Variants in ARID4A observed in about 807,000 individuals in gnomAD.
The protein encoded by ARID4A is AT-rich interaction domain 4A.
In ARID4A, 39 loss-of-function variants were observed where a neutral mutation model predicts 148.6. The observed-to-expected ratio is 0.26, with a 90% CI of 0.20 to 0.34. The LOEUF (loss-of-function observed/expected upper bound fraction) is 0.34, where lower values mean the gene tolerates loss of function less well. Ranked by LOEUF, ARID4A falls within the 10% of genes least tolerant of loss-of-function variation. The pLI is 1.00. For missense variants in ARID4A, 1,265 were observed against 1,449.1 expected (o/e 0.87, Z 2.06); for synonymous variants, 475 against 481.2 (o/e 0.99, Z 0.17).
At chr14:58,348,411 T>A (rs1244579613) in intron 15 of ARID4A, among the ~76,000 whole-genome samples, 1 of 152,226 alleles carries the variant, frequency 6.6e-6, no homozygotes, top group Non-Finnish European at 1.5e-5. Context: ...AGATGTTGAA[T>A]AAATGAATCA....
chr14:58,347,130 G>GTTTAT lies in ARID4A; in HGVS notation c.1172+15_1172+19dup. The GTTTAT allele has an allele frequency of 7.5e-7, 1 of 1,331,822 alleles. No homozygotes were observed. Among genetic ancestry groups the GTTTAT allele is most frequent in the Non-Finnish European group, 1.0e-6 (1 of 962,352 alleles). The allele number at this position is 1,331,822 out of a possible 1,614,324, so 82.5% of individuals were successfully genotyped here. A position where few individuals can be genotyped will look rare whatever the true frequency, so the allele number is the denominator to read the frequency against. On this transcript the variant is annotated intron_variant, in intron 14 of 23. Transcript: ENST00000355431. Reference sequence around the variant, plus strand: ...CTGCTTATAGAAAGTAAGTAGTATAGTTTATTCATCAAAGAATATATATTT... The same window carrying GTTTAT: ...CTGCTTATAGAAAGTAAGTAGTATAGTTTATTTTATTCATCAAAGAATATATATTT...
chr14:58,360,065 CAAAA>C (rs11376633), intron 18 of ARID4A, among the ~76,000 whole-genome samples: 1 of 118,676 alleles, frequency 8.4e-6, no homozygotes. Context: ...GACTCCGTCT[CAAAA>C]AAAAAAAAAA....
chr14:58,302,778 A>G (rs1398881281), intron 3 of ARID4A, among the ~76,000 whole-genome samples: 1 of 151,858 alleles, frequency 6.6e-6, no homozygotes, highest in Non-Finnish European at 1.5e-5. Flanking sequence ...ACATAGTGAG[A>G]TCTTGTCTGT....
At chr14:58,306,899 G>A (rs2031648350) in intron 5 of ARID4A, among the ~76,000 whole-genome samples, 1 of 152,142 alleles carries the variant, frequency 6.6e-6, no homozygotes, top group Non-Finnish European at 1.5e-5. Flanking sequence ...CAGCTTTTAA[G>A]AAAAATATAG....
chr14:58,369,702 A>G (rs1391559997), intron 23 of ARID4A, among the ~76,000 whole-genome samples: 2 of 152,086 alleles, frequency 1.3e-5, no homozygotes, highest in Non-Finnish European at 2.9e-5. Flanking sequence ...CAGCATCAAG[A>G]GTCTTACATC....
rs1220546707 is a variant in ARID4A at position 58,322,980 on chromosome 14, AATAT to A, written c.450-484_450-481del. The stretch of plus-strand genomic sequence containing the variant: ...TCCATTTCCAAAAAAAAAAAAAAAA[AATAT>A]ATATATATATATATATATATGCTTA... On this transcript the variant is annotated intron_variant, in intron 7 of 23. Transcript: ENST00000355431. Among the ~76,000 whole-genome samples the A allele has an allele frequency of 2.1e-4, 24 of 114,282 alleles. 1 individual carries two copies. Among genetic ancestry groups the A allele is most frequent in the South Asian group, 5.6e-4 (2 of 3,552 alleles). 75.0% of individuals were successfully genotyped at this position (114,282 alleles called of 152,430 possible).
chr14:58,354,265 A>T (rs2034769705), intron 17 of ARID4A, among the ~76,000 whole-genome samples: 1 of 152,234 alleles, frequency 6.6e-6, no homozygotes, highest in African/African-American at 2.4e-5. Flanking sequence ...CCAACCGTGC[A>T]AGTGTTTGTT....
intron 23 of ARID4A, among the ~76,000 whole-genome samples, chr14:58,368,389 T>G (rs944744166): frequency 2.0e-5 from 3 of 152,186 alleles, no homozygotes; most frequent in Non-Finnish European, 4.4e-5. Context: ...TCAAGATCCT[T>G]GCCAATCACT....
At chr14:58,335,750 A>G (rs2033781646) in intron 11 of ARID4A, among the ~76,000 whole-genome samples, 1 of 152,210 alleles carries the variant, frequency 6.6e-6, no homozygotes, top group South Asian at 2.1e-4. Context: ...CAGCTGTCCA[A>G]GCCAGATACA....
chr14:58,341,587 A>C (rs1383357021), intron 11 of ARID4A, among the ~76,000 whole-genome samples: 1 of 152,236 alleles, frequency 6.6e-6, no homozygotes, highest in Non-Finnish European at 1.5e-5. Context: ...AGCAGCAAAA[A>C]TAGAAGGTAC....
chr14:58,342,004 A>T (rs937390374), intron 11 of ARID4A, among the ~76,000 whole-genome samples: 3 of 152,228 alleles, frequency 2.0e-5, no homozygotes, highest in African/African-American at 7.2e-5. Flanking sequence ...AGAAATTGCT[A>T]TGAAAATGCC....
At chr14:58,358,432 A>T (rs1428128574) in intron 17 of ARID4A, among the ~76,000 whole-genome samples, 1 of 152,206 alleles carries the variant, frequency 6.6e-6, no homozygotes, top group Non-Finnish European at 1.5e-5. Context: ...GCACCACTGC[A>T]TGTCAGCCTG....
At chr14:58,315,338 A>T (rs1259550918) in intron 5 of ARID4A, among the ~76,000 whole-genome samples, 1 of 152,130 alleles carries the variant, frequency 6.6e-6, no homozygotes, top group African/African-American at 2.4e-5. Flanking sequence ...GAAATTTTTG[A>T]ATTGTTGAAA....
At chr14:58,319,509 T>G (rs2032706341) in intron 7 of ARID4A, among the ~76,000 whole-genome samples, 1 of 147,872 alleles carries the variant, frequency 6.8e-6, no homozygotes. Flanking sequence ...TGTGTATGAA[T>G]GTCTATATAC....
chr14:58,346,322 T>G (rs1282226199), intron 12 of ARID4A, 89 bp from the exon 13 acceptor site: 10 of 844,116 alleles, frequency 1.2e-5, no homozygotes, highest in Non-Finnish European at 1.9e-5. Context: ...TTAATGAAAT[T>G]GGGGAAATTA....
At chr14:58,302,222 G>T (rs778644193) in intron 3 of ARID4A, among the ~76,000 whole-genome samples, 1 of 151,760 alleles carries the variant, frequency 6.6e-6, no homozygotes, top group Non-Finnish European at 1.5e-5. Flanking sequence ...GACCCGGCGC[G>T]GTGACTCACG....
Position 58,301,716 on chromosome 14 carries a change from TTTA to T in ARID4A, c.117+30_117+32del, listed in dbSNP as rs763553506. 8 of 1,564,988 alleles carry T rather than the reference TTTA, an allele frequency of 5.1e-6. No homozygotes were observed. The East Asian group carries it at 1.6e-4, about 31-fold the overall frequency. On this transcript the variant is annotated intron_variant, in intron 3 of 23. Coordinates refer to ENST00000355431, the MANE Select transcript of ARID4A (RefSeq NM_002892.4). ...GTAATATTTGTTTTTATGCAATAGT[TTTA>T]TTAACTCTAGATTGAAGAAATTTGG... is the stretch of plus-strand genomic sequence containing the variant.
At chr14:58,366,328 G>A (rs560710601) in intron 22 of ARID4A, 98 bp downstream of exon 22, 1 of 966,890 alleles carries the variant, frequency 1.0e-6, no homozygotes, top group East Asian at 2.6e-5. Flanking sequence ...AAGGAATAAT[G>A]ATTAACTATT....
intron 8 of ARID4A, 123 bp from the exon 9 acceptor site, chr14:58,328,114 A>G (rs2033318290): frequency 2.2e-5 from 15 of 675,094 alleles, no homozygotes; most frequent in Non-Finnish European, 3.9e-5. Context: ...TTTATAATGA[A>G]GCTGTTTTTT....
Sources: allele counts gnomAD v4.1 joint callset (sites outside exome capture counted in the v4.1 genomes callset), GRCh38; gene constraint gnomAD v4.1.1; transcripts MANE v1.5; gene names NCBI Gene and HGNC (gene_info 2026-07-23, HGNC 2026-07-21).